Variants in GTF2A2 observed in about 807,000 individuals in gnomAD.
The protein encoded by GTF2A2 is transcription initiation factor IIA subunit 2.
Under a neutral mutation model 14.3 loss-of-function variants are expected in GTF2A2, and 9 were observed. The ratio of observed to expected loss-of-function variants is 0.63; its 90% CI spans 0.38 to 1.10. The LOEUF (loss-of-function observed/expected upper bound fraction) is 1.10, where lower values mean the gene tolerates loss of function less well. Ranked by LOEUF, GTF2A2 falls within the 50% of genes least tolerant of loss-of-function variation. The probability of loss-of-function intolerance (pLI) is 0.01; values close to 1 mark genes in which losing one functional copy is unlikely to be tolerated. For missense variants in GTF2A2, 90 were observed against 124.6 expected (o/e 0.72, Z 1.32); for synonymous variants, 56 against 46.0 (o/e 1.22, Z -0.88).
In GTF2A2 at chr15:59,651,378, T is replaced by C. The variant is rs180910665; in HGVS notation, c.73-605A>G. On this transcript the variant is annotated intron_variant, in intron 2 of 4. Coordinates refer to ENST00000396060, the MANE Select transcript of GTF2A2 (RefSeq NM_004492.3). ...TTTTAGTAGAGACAGGGTTTCTCCA[T>C]GTTGGTCAGGCTGGTCTCTAACTCT... 685 of 152,540 alleles carry C rather than the reference T, an allele frequency of 4.5e-3. 7 individuals carry two copies. Among genetic ancestry groups the C allele is most frequent in the Middle Eastern group, 0.01 (3 of 296 alleles). The allele number at this position is 152,540 out of a possible 1,614,324, so 9.4% of individuals were successfully genotyped here.
chr15:59,639,121 A>AT lies in GTF2A2; in HGVS notation c.*10dup, dbSNP rs1368561615. ...ACAGAAGATGGTGTAAAAAAGTCAT[A>AT]TTTTTTCTATTCATTCTGTAGTATT... is the stretch of plus-strand genomic sequence containing the variant. On this transcript the variant is annotated 3_prime_UTR_variant, in exon 5 of 5. Coordinates refer to ENST00000396060, the MANE Select transcript of GTF2A2 (RefSeq NM_004492.3). 1.3e-5 allele frequency: 18 copies of AT among 1,400,998 alleles called. No homozygotes were observed. The Middle Eastern group carries it at 5.6e-4, about 44-fold the overall frequency. 86.8% of individuals were successfully genotyped at this position (1,400,998 alleles called of 1,614,324 possible). A position where few individuals can be genotyped will look rare whatever the true frequency, so the allele number is the denominator to read the frequency against.
intron 1 of GTF2A2, among the ~76,000 whole-genome samples, chr15:59,655,848 C>A (rs1475393905): frequency 6.6e-6 from 1 of 152,168 alleles, no homozygotes; most frequent in Non-Finnish European, 1.5e-5. Flanking sequence ...ATCTCACTCT[C>A]CATATCCAAT....
chr15:59,641,744 C>T (rs1322461078), intron 4 of GTF2A2, among the ~76,000 whole-genome samples: 1 of 152,024 alleles, frequency 6.6e-6, no homozygotes, highest in Non-Finnish European at 1.5e-5. Flanking sequence ...TAATTAAAAT[C>T]CTGTTTAAAA....
intron 4 of GTF2A2, chr15:59,640,014 G>C (rs1404980618): frequency 4.6e-5 from 7 of 152,378 alleles, no homozygotes; most frequent in African/African-American, 1.7e-4. Context: ...GCCTCCCAAA[G>C]TGCTGGGATT....
At chr15:59,647,299 A>G (rs544963186) in intron 3 of GTF2A2, among the ~76,000 whole-genome samples, 5 of 152,132 alleles carry the variant, frequency 3.3e-5, no homozygotes, top group African/African-American at 9.6e-5. Context: ...GGGTTTCACT[A>G]TATTTCGCAG....
rs200603332 is a variant in GTF2A2, at chr15:59,650,627, A to C, written c.177+42T>G. On this transcript the variant is annotated intron_variant, in intron 3 of 4. Transcript: ENST00000396060. Reference sequence around the variant, plus strand: ...CCTAAAAAAAAATCAGTGTTTTAACAACCATTGGTACAGGCTTCTAGATTC... The same window carrying C: ...CCTAAAAAAAAATCAGTGTTTTAACCACCATTGGTACAGGCTTCTAGATTC... 59 of 1,104,230 alleles carry C rather than the reference A, an allele frequency of 5.3e-5. No individual in the cohort carries two copies. The East Asian group carries it at 1.3e-3, about 25-fold the overall frequency. 68.4% of individuals were successfully genotyped at this position (1,104,230 alleles called of 1,614,324 possible).
At chr15:59,639,882 C>T (rs1566923023) in intron 4 of GTF2A2, among the ~76,000 whole-genome samples, 2 of 152,164 alleles carry the variant, frequency 1.3e-5, no homozygotes, top group African/African-American at 4.8e-5. Context: ...TCCGCAGCAG[C>T]TGGGATTACA....
intron 2 of GTF2A2, chr15:59,651,377 A>G (rs1483752376): frequency 2.6e-5 from 4 of 152,384 alleles, no homozygotes; most frequent in African/African-American, 9.7e-5. Context: ...GGGTTTCTCC[A>G]TGTTGGTCAG....
At chr15:59,654,252 C>T (rs139041086) in intron 1 of GTF2A2, among the ~76,000 whole-genome samples, 229 of 152,314 alleles carry the variant, frequency 1.5e-3, no homozygotes, top group African/African-American at 5.1e-3. Context: ...TATCTTCGCC[C>T]ACTCACCCTC....
At chr15:59,643,252 G>T (rs952104042) in intron 3 of GTF2A2, among the ~76,000 whole-genome samples, 1 of 150,646 alleles carries the variant, frequency 6.6e-6, no homozygotes, top group African/African-American at 2.4e-5. Context: ...GCTAACTTTT[G>T]TATTTTTAGT....
At chr15:59,639,645 A>T (rs1395480783) in intron 4 of GTF2A2, among the ~76,000 whole-genome samples, 2 of 149,090 alleles carry the variant, frequency 1.3e-5, no homozygotes, top group Non-Finnish European at 3.0e-5. Flanking sequence ...TGTACTTTAG[A>T]GACGGGGTTT....
At position 59,638,205 on chromosome 15, in the gene GTF2A2, A is replaced by G. The variant is rs538818682; in HGVS notation, c.*927T>C. ...TTACAGGTGTGAGCCACCAGTACCTAGCCAAAGTTAGTTTTAATGTGAGAG... is the reference window on the plus strand; with the variant it reads ...TTACAGGTGTGAGCCACCAGTACCTGGCCAAAGTTAGTTTTAATGTGAGAG... On this transcript the variant is annotated 3_prime_UTR_variant, in exon 5 of 5. Coordinates refer to ENST00000396060, the MANE Select transcript of GTF2A2 (RefSeq NM_004492.3). 6.6e-6 allele frequency: 1 copy of G among 152,140 alleles called. No individual in the cohort carries two copies. The highest frequency in any genetic ancestry group is 1.5e-5 in the Non-Finnish European group (1 of 68,042). 9.4% of individuals were successfully genotyped at this position (152,140 alleles called of 1,614,324 possible). A position where few individuals can be genotyped will look rare whatever the true frequency, so the allele number is the denominator to read the frequency against.
In GTF2A2 at chr15:59,639,177, G is replaced by GTAAAGTAAAGTAAAT. The variant is rs1891296960; in HGVS notation, c.305-35_305-21dup. The GTAAAGTAAAGTAAAT allele has an allele frequency of 1.7e-6, 2 of 1,209,724 alleles. No homozygotes were observed. Among genetic ancestry groups the GTAAAGTAAAGTAAAT allele is most frequent in the African/African-American group, 1.9e-5 (1 of 51,802 alleles). 74.9% of individuals were successfully genotyped at this position (1,209,724 alleles called of 1,614,324 possible). On this transcript the variant is annotated intron_variant, in intron 4 of 4. Transcript: ENST00000396060. ...CAGTATCTAGGAAACAAAAGAGAAA[G>GTAAAGTAAAGTAAAT]TAAAGTAAAGTAAATTCAAGGAGCA...
chr15:59,646,695 T>C (rs1891619164), intron 3 of GTF2A2, among the ~76,000 whole-genome samples: 2 of 152,178 alleles, frequency 1.3e-5, no homozygotes, highest in Admixed American at 1.3e-4. Context: ...CTACAAAACT[T>C]GACTGAAAGA....
chr15:59,642,217 C>T lies in GTF2A2; in HGVS notation c.223G>A (p.Val75Ile), dbSNP rs780540387. ...TCTCTGAATTCAACATCATTCAGTACAAAAGTCCACACATTATCGCAGAAT... is the reference window on the plus strand; with the variant it reads ...TCTCTGAATTCAACATCATTCAGTATAAAAGTCCACACATTATCGCAGAAT... Reference protein sequence around the residue: ...YRFCDNVWTFVLNDVEFREVT... With the variant: ...YRFCDNVWTFILNDVEFREVT... The change falls in exon 4 of 5, where the codon GTA becomes ATA. Residue 75 changes from valine (V) to isoleucine (I), a missense_variant. Val to Ile is a conservative substitution (Grantham distance 29). Transcript: ENST00000396060. 1 of 1,610,380 alleles carries T rather than the reference C, an allele frequency of 6.2e-7. No individual in the cohort carries two copies. The highest frequency in any genetic ancestry group is 8.5e-7 in the Non-Finnish European group (1 of 1,177,844).
At chr15:59,643,598 T>G (rs1232263885) in intron 3 of GTF2A2, among the ~76,000 whole-genome samples, 1 of 146,086 alleles carries the variant, frequency 6.8e-6, no homozygotes, top group East Asian at 2.0e-4. Context: ...ATTTTTACTT[T>G]TTTTTTTTTT....
At chr15:59,656,638 C>T (rs1389109563) in intron 1 of GTF2A2, among the ~76,000 whole-genome samples, 1 of 151,950 alleles carries the variant, frequency 6.6e-6, no homozygotes, top group Non-Finnish European at 1.5e-5. Flanking sequence ...GTATAATATG[C>T]GTGTGGGAGG....
Position 59,642,236 on chromosome 15 carries a change from G to A in GTF2A2, c.204C>T (p.Cys68=), listed in dbSNP as rs561619087. The stretch of plus-strand genomic sequence containing the variant: ...TCAGTACAAAAGTCCACACATTATC[G>A]CAGAATCTGTACGTATTTAGAGAGC... ...FRGSLNTYRF[C]DNVWTFVLND... The change falls in exon 4 of 5, where the codon TGC becomes TGT. Residue 68 remains cysteine, a synonymous_variant. Coordinates refer to ENST00000396060, the MANE Select transcript of GTF2A2 (RefSeq NM_004492.3). 5.3e-5 allele frequency: 86 copies of A among 1,608,670 alleles called. No individual in the cohort carries two copies. Among genetic ancestry groups the A allele is most frequent in the Non-Finnish European group, 6.7e-5 (79 of 1,177,164 alleles).
intron 2 of GTF2A2, chr15:59,651,254 C>G (rs1276660986): frequency 6.5e-6 from 1 of 152,684 alleles, no homozygotes; most frequent in African/African-American, 2.4e-5. Flanking sequence ...CTTAGCTCAC[C>G]ACAACCTCTG....
Sources: allele counts gnomAD v4.1 joint callset (sites outside exome capture counted in the v4.1 genomes callset), GRCh38; gene constraint gnomAD v4.1.1; transcripts MANE v1.5; gene names NCBI Gene and HGNC (gene_info 2026-07-23, HGNC 2026-07-21).